UGT1A10: variants seen among roughly 807,000 people sequenced by gnomAD.
UGT1A10 encodes the protein UDP-glucuronosyltransferase 1A10.
A neutral mutation model predicts 45.8 loss-of-function variants in UGT1A10; 49 were observed. The observed-to-expected ratio is 1.07, with a 90% CI of 0.85 to 1.36. The LOEUF is 1.36. UGT1A10 is among the 40% of genes most tolerant of loss of function. The pLI, the probability that UGT1A10 is intolerant of heterozygous loss-of-function variation, is 0.00. For synonymous variants in UGT1A10, 284 were observed against 249.7 expected (o/e 1.14, Z -1.29); for missense variants, 745 against 668.6 (o/e 1.11, Z -1.26).
chr2:233,653,913 C>G (rs2073795451), intron 1 of UGT1A10, among the ~76,000 whole-genome samples: 1 of 152,192 alleles, frequency 6.6e-6, no homozygotes, highest in South Asian at 2.1e-4. Context: ...TGTTATCTTT[C>G]ACAGATGCAG....
rs267599269 is a variant in UGT1A10 at position 233,637,360 on chromosome 2, G to A, written c.838G>A (p.Gly280Arg). ...CATTGGTGGTATCAACTGTCATCAG[G>A]GAAAGCCATTGCCTATGGTAAGTCA... is the stretch of plus-strand genomic sequence containing the variant. ...IFIGGINCHQ[G>R]KPLPMEFEAY... Residue 280 changes from glycine to arginine, a missense_variant, in exon 1 of 5, where the codon GGA becomes AGA. Coordinates refer to ENST00000344644, the MANE Select transcript of UGT1A10 (RefSeq NM_019075.4). The A allele has an allele frequency of 6.2e-7, 1 of 1,613,204 alleles. No homozygotes were observed. The highest frequency in any genetic ancestry group is 1.7e-5 in the Admixed American group (1 of 59,968).
intron 4 of UGT1A10, among the ~76,000 whole-genome samples, chr2:233,768,835 C>T (rs968956061): frequency 7.9e-5 from 12 of 152,116 alleles, no homozygotes; most frequent in African/African-American, 2.6e-4. Flanking sequence ...CCACCTGCCT[C>T]GGCCTGCCAA....
chr2:233,750,115 A>G (rs996940371), intron 1 of UGT1A10, among the ~76,000 whole-genome samples: 2 of 151,884 alleles, frequency 1.3e-5, no homozygotes, highest in Non-Finnish European at 1.5e-5. Context: ...AGAAGACAGG[A>G]AGATGTGGGA....
intron 1 of UGT1A10, among the ~76,000 whole-genome samples, chr2:233,752,885 GC>G (rs1406644444): frequency 1.3e-5 from 2 of 152,174 alleles, no homozygotes; most frequent in Non-Finnish European, 2.9e-5. Context: ...GTTAAAACTA[GC>G]CAGCGTTGTT....
intron 1 of UGT1A10, among the ~76,000 whole-genome samples, chr2:233,745,353 A>T (rs1446464476): frequency 1.3e-5 from 2 of 151,782 alleles, no homozygotes; most frequent in African/African-American, 2.4e-5. Flanking sequence ...TTTTGGGGGA[A>T]TTTTTTTGAG....
intron 1 of UGT1A10, among the ~76,000 whole-genome samples, chr2:233,751,411 T>C (rs1183802209): frequency 1.3e-5 from 2 of 152,166 alleles, no homozygotes; most frequent in Admixed American, 6.5e-5. Flanking sequence ...ACTATGGACT[T>C]TTGAGCTAGT....
intron 1 of UGT1A10, chr2:233,682,296 T>C (rs2074570660): frequency 6.2e-7 from 1 of 1,614,180 alleles, no homozygotes; most frequent in Non-Finnish European, 8.5e-7. Flanking sequence ...TTTGACTTAT[T>C]TTTTTCAAAT....
rs939644938 is a variant in UGT1A10 at position 233,772,877 on chromosome 2, G to A, written c.*318G>A. On this transcript the variant is annotated 3_prime_UTR_variant, in exon 5 of 5. Coordinates refer to ENST00000344644, the MANE Select transcript of UGT1A10 (RefSeq NM_019075.4). Reference sequence around the variant, plus strand: ...TGAAACATGGCCTGTTTGGGAGTGCGGGATTCAAAGGTGGTCCCACGGCTG... The same window carrying A: ...TGAAACATGGCCTGTTTGGGAGTGCAGGATTCAAAGGTGGTCCCACGGCTG... 4.0e-5 allele frequency: 23 copies of A among 579,274 alleles called. No individual in the cohort carries two copies. The highest frequency in any genetic ancestry group is 3.1e-4 in the East Asian group (6 of 19,490). The allele number at this position is 579,274 out of a possible 1,614,324, so 35.9% of individuals were successfully genotyped here. A position where few individuals can be genotyped will look rare whatever the true frequency, so the allele number is the denominator to read the frequency against.
At chr2:233,767,763 C>T (rs34082659) in intron 2 of UGT1A10, 86 bp from the exon 3 acceptor site, 28,610 of 1,607,468 alleles carry the variant, frequency 0.018, 380 homozygotes, top group Admixed American at 0.044. Flanking sequence ...CTTCAGAGGA[C>T]CCCTGTTTTC....
intron 1 of UGT1A10, among the ~76,000 whole-genome samples, chr2:233,744,723 G>A (rs187577100): frequency 9.2e-5 from 14 of 151,876 alleles, no homozygotes; most frequent in Admixed American, 8.5e-4. Flanking sequence ...AGAGAATGAC[G>A]GTGAAAAAAT....
intron 1 of UGT1A10, among the ~76,000 whole-genome samples, chr2:233,716,765 C>T (rs542066726): frequency 6.6e-6 from 1 of 152,294 alleles, no homozygotes; most frequent in African/African-American, 2.4e-5. Context: ...AGCTAGATCA[C>T]TCAGGTCAGG....
At chr2:233,761,146 T>A in intron 1 of UGT1A10, 1 of 1,614,232 alleles carries the variant, frequency 6.2e-7, no homozygotes, top group Non-Finnish European at 8.5e-7. Flanking sequence ...AAATCCACTA[T>A]CCCAGGTGTG....
intron 1 of UGT1A10, among the ~76,000 whole-genome samples, chr2:233,649,930 T>A (rs1416299274): frequency 6.6e-6 from 1 of 152,178 alleles, no homozygotes. Context: ...CTATGTTTCA[T>A]CTTCTGTTAC....
rs553278701 is a variant in UGT1A10 at position 233,687,190 on chromosome 2, G to A, written c.855+49813G>A. ...ATGTGGATATGAATCAGCAATACCC[G>A]TAATTGGGTGGGTGATATGCATTTT... On this transcript the variant is annotated intron_variant, in intron 1 of 4. Coordinates refer to ENST00000344644, the MANE Select transcript of UGT1A10 (RefSeq NM_019075.4). 1.1e-4 allele frequency among the ~76,000 whole-genome samples: 16 copies of A among 152,278 alleles called. No individual in the cohort carries two copies. In the South Asian group the frequency reaches 1.7e-3, roughly 16 times the overall value.
chr2:233,724,488 C>T (rs1473203423), intron 1 of UGT1A10, among the ~76,000 whole-genome samples: 4 of 72,584 alleles, frequency 5.5e-5, no homozygotes, highest in Non-Finnish European at 8.7e-5. Context: ...TCAGACGGGG[C>T]GGCCGGGCAG....
chr2:233,642,746 C>T (rs780853748), intron 1 of UGT1A10, among the ~76,000 whole-genome samples: 10 of 152,346 alleles, frequency 6.6e-5, no homozygotes, highest in East Asian at 3.9e-4. Flanking sequence ...AGCCTAGTAA[C>T]GCTGTGGTTC....
At chr2:233,718,777 C>T (rs1347368179) in intron 1 of UGT1A10, 10 of 1,612,914 alleles carry the variant, frequency 6.2e-6, no homozygotes, top group Non-Finnish European at 8.5e-6. Context: ...ATGTAGCAGG[C>T]ACAGCGTGGG....
rs749630489 is a variant in UGT1A10, at chr2:233,719,276, C to A, written c.856-47758C>A. On this transcript the variant is annotated intron_variant, in intron 1 of 4. Coordinates refer to ENST00000344644, the MANE Select transcript of UGT1A10 (RefSeq NM_019075.4). ...CTTCCTTTGATGTGGTTTTAACAGA[C>A]CCCGTTAACCTCTGTGGGGCGGTGC... is the stretch of plus-strand genomic sequence containing the variant. 1.5e-5 allele frequency: 25 copies of A among 1,614,000 alleles called. No individual in the cohort carries two copies. The Admixed American group carries it at 3.3e-4, about 22-fold the overall frequency.
At chr2:233,741,092 C>G (rs1056351038) in intron 1 of UGT1A10, among the ~76,000 whole-genome samples, 2 of 151,810 alleles carry the variant, frequency 1.3e-5, no homozygotes, top group African/African-American at 4.9e-5. Flanking sequence ...AACAAACAAG[C>G]AAACAGACAA....
Sources: gnomAD v4.1 joint callset for allele counts (sites outside exome capture counted in the v4.1 genomes callset) on GRCh38, gnomAD v4.1.1 for gene constraint, MANE v1.5 for transcripts, NCBI Gene and HGNC (gene_info 2026-07-23, HGNC 2026-07-21) for gene names.